Variants in KCNK1 observed in about 807,000 individuals in gnomAD.
KCNK1 encodes potassium channel subfamily K member 1.
A neutral mutation model predicts 22.2 loss-of-function variants in KCNK1; 10 were observed. The ratio of observed to expected loss-of-function variants is 0.45; its 90% CI spans 0.28 to 0.76. The LOEUF (loss-of-function observed/expected upper bound fraction) is 0.76. Among genes scored for constraint, KCNK1 ranks in the 30% least tolerant of loss-of-function variants. The pLI is 0.14. For synonymous variants in KCNK1, 200 were observed against 186.4 expected (o/e 1.07, Z -0.60); for missense variants, 378 against 421.0 (o/e 0.90, Z 0.89).
chr1:233,658,107 GA>G (rs1658331860), intron 1 of KCNK1, among the ~76,000 whole-genome samples: 1 of 151,996 alleles, frequency 6.6e-6, no homozygotes, highest in South Asian at 2.1e-4. Context: ...CTAAAAATAT[GA>G]AAAAATAAGG....
chr1:233,622,857 T>A (rs1657615521), intron 1 of KCNK1, among the ~76,000 whole-genome samples: 1 of 152,230 alleles, frequency 6.6e-6, no homozygotes. Flanking sequence ...TTTAATTTGC[T>A]ACCGTCTGCT....
At chr1:233,655,417 T>C (rs1452487320) in intron 1 of KCNK1, among the ~76,000 whole-genome samples, 2 of 152,142 alleles carry the variant, frequency 1.3e-5, no homozygotes, top group Non-Finnish European at 2.9e-5. Flanking sequence ...GACCTTCAAG[T>C]AGATACTGGA....
At chr1:233,616,517 C>T (rs561481646) in intron 1 of KCNK1, among the ~76,000 whole-genome samples, 11 of 152,144 alleles carry the variant, frequency 7.2e-5, no homozygotes, top group African/African-American at 2.7e-4. Flanking sequence ...CTTTGTAGTT[C>T]CTAAGAAAGT....
chr1:233,634,821 C>T (rs1657870038), intron 1 of KCNK1, among the ~76,000 whole-genome samples: 1 of 152,148 alleles, frequency 6.6e-6, no homozygotes, highest in South Asian at 2.1e-4. Flanking sequence ...CAGACAGAAG[C>T]CTGATTAAGT....
chr1:233,667,225 C>T (rs1039944643), intron 2 of KCNK1, among the ~76,000 whole-genome samples: 1 of 152,228 alleles, frequency 6.6e-6, no homozygotes, highest in Admixed American at 6.5e-5. Context: ...TCCACTTCAC[C>T]TCTCAATGAG....
chr1:233,669,831 C>A (rs2102913523), intron 2 of KCNK1, among the ~76,000 whole-genome samples: 1 of 152,216 alleles, frequency 6.6e-6, no homozygotes, highest in South Asian at 2.1e-4. Flanking sequence ...GGAAAAGACA[C>A]AGAGATCCAT....
At chr1:233,625,576 A>G (rs555876760) in intron 1 of KCNK1, among the ~76,000 whole-genome samples, 1 of 152,202 alleles carries the variant, frequency 6.6e-6, no homozygotes, top group East Asian at 1.9e-4. Context: ...TCATTTTCTG[A>G]GCTCCAGCAT....
intron 1 of KCNK1, chr1:233,637,213 AAAAAGAT>A (rs1558112434): frequency 1.3e-5 from 2 of 152,430 alleles, no homozygotes; most frequent in African/African-American, 4.9e-5. Context: ...AAAAAAAAAA[AAAAAGAT>A]GGTGACATGG....
intron 1 of KCNK1, among the ~76,000 whole-genome samples, chr1:233,640,543 A>T (rs980289852): frequency 7.2e-5 from 11 of 152,370 alleles, no homozygotes; most frequent in African/African-American, 2.6e-4. Context: ...AGTCATTTTC[A>T]TGTGAACTGA....
chr1:233,648,695 T>A (rs1658145541), intron 1 of KCNK1, among the ~76,000 whole-genome samples: 1 of 151,934 alleles, frequency 6.6e-6, no homozygotes. Flanking sequence ...GCCTCTTGAG[T>A]AGCTGGGATT....
intron 1 of KCNK1, among the ~76,000 whole-genome samples, chr1:233,653,720 T>A (rs1034894367): frequency 6.6e-6 from 1 of 152,084 alleles, no homozygotes; most frequent in African/African-American, 2.4e-5. Flanking sequence ...GGCAGAATGG[T>A]ACCACCGGCT....
At chr1:233,644,077 A>C (rs1166212232) in intron 1 of KCNK1, among the ~76,000 whole-genome samples, 1 of 152,216 alleles carries the variant, frequency 6.6e-6, no homozygotes, top group Non-Finnish European at 1.5e-5. Context: ...TATTTCTCAA[A>C]GTTCTGGAGG....
intron 1 of KCNK1, among the ~76,000 whole-genome samples, chr1:233,663,690 G>A (rs1207518181): frequency 3.3e-5 from 5 of 152,230 alleles, no homozygotes; most frequent in South Asian, 4.1e-4. Flanking sequence ...ATGTTTTCTC[G>A]ACAAAATCAG....
intron 2 of KCNK1, 90 bp from the exon 3 acceptor site, chr1:233,671,181 G>A: frequency 1.7e-6 from 2 of 1,176,294 alleles, no homozygotes; most frequent in Non-Finnish European, 1.2e-6. Flanking sequence ...AACAAACACT[G>A]TGTTGGCATG....
chr1:233,649,934 A>T (rs775053261), intron 1 of KCNK1: 8 of 533,190 alleles, frequency 1.5e-5, no homozygotes, highest in Non-Finnish European at 2.7e-5. Flanking sequence ...CTGCCACTAA[A>T]TGATGGGTCC....
intron 1 of KCNK1, among the ~76,000 whole-genome samples, chr1:233,628,039 T>TG (rs1558109443): frequency 6.6e-6 from 1 of 152,232 alleles, no homozygotes; most frequent in Non-Finnish European, 1.5e-5. Flanking sequence ...CCCAGATGTC[T>TG]GGGCTGTGTC....
chr1:233,666,914 C>T lies in KCNK1; in HGVS notation c.675C>T (p.Thr225=), dbSNP rs1169438521. Residue 225 remains threonine (T), a synonymous_variant, in exon 2 of 3, where the codon ACC becomes ACT. Transcript: ENST00000366621. ...SFYFCFISLS[T]IGLGDYVPGE... Reference sequence around the variant, plus strand: ...ATTTTTGTTTTATTTCCCTGAGCACCATTGGCCTGGGGGATTATGTGCCTG... The same window carrying T: ...ATTTTTGTTTTATTTCCCTGAGCACTATTGGCCTGGGGGATTATGTGCCTG... 5.6e-6 allele frequency: 9 copies of T among 1,613,856 alleles called. No homozygotes were observed. In the Admixed American group the frequency reaches 1.3e-4, roughly 24 times the overall value.
intron 1 of KCNK1, among the ~76,000 whole-genome samples, chr1:233,626,967 A>C (rs1657699505): frequency 6.6e-6 from 1 of 152,200 alleles, no homozygotes; most frequent in Admixed American, 6.5e-5. Context: ...CAAGGAATGA[A>C]TCTAGGTGGT....
At chr1:233,622,012 A>G (rs532131982) in intron 1 of KCNK1, among the ~76,000 whole-genome samples, 3 of 152,338 alleles carry the variant, frequency 2.0e-5, no homozygotes, top group African/African-American at 4.8e-5. Flanking sequence ...ATAACTTGGA[A>G]GAAATGATGT....
Sources: gnomAD v4.1 joint callset for allele counts (sites outside exome capture counted in the v4.1 genomes callset) on GRCh38, gnomAD v4.1.1 for gene constraint, MANE v1.5 for transcripts, NCBI Gene and HGNC (gene_info 2026-07-23, HGNC 2026-07-21) for gene names.